Variants in MDGA2 observed in about 807,000 individuals in gnomAD.
MDGA2 encodes MAM domain containing glycosylphosphatidylinositol anchor 2.
A neutral mutation model predicts 117.8 loss-of-function variants in MDGA2; 40 were observed. The ratio of observed to expected loss-of-function variants is 0.34; its 90% CI spans 0.26 to 0.44. The LOEUF (loss-of-function observed/expected upper bound fraction) is 0.44, where lower values mean the gene tolerates loss of function less well. Among genes scored for constraint, MDGA2 ranks in the 20% least tolerant of loss-of-function variants. The probability of loss-of-function intolerance (pLI) is 1.00; values close to 1 mark genes in which losing one functional copy is unlikely to be tolerated. For synonymous variants in MDGA2, 452 were observed against 439.0 expected (o/e 1.03, Z -0.37); for missense variants, 1,123 against 1,250.6 (o/e 0.90, Z 1.54).
chr14:47,046,696 A>T lies in MDGA2; in HGVS notation c.1526-11392T>A, dbSNP rs530595351. ...TATAAGCAGTTGATAAAGAATTTTAACCTTAAAAGTTGAATACTGCACTCC... is the reference window on the plus strand; with the variant it reads ...TATAAGCAGTTGATAAAGAATTTTATCCTTAAAAGTTGAATACTGCACTCC... On this transcript the variant is annotated intron_variant, in intron 7 of 16. Transcript: ENST00000399232. Among the ~76,000 whole-genome samples the T allele has an allele frequency of 7.2e-5, 11 of 152,162 alleles. No homozygotes were observed. The South Asian group carries it at 1.9e-3, about 26-fold the overall frequency.
intron 14 of MDGA2, among the ~76,000 whole-genome samples, chr14:46,867,300 C>G (rs1281212221): frequency 2.1e-4 from 31 of 144,990 alleles, no homozygotes; most frequent in African/African-American, 3.3e-4. Context: ...GAACAAAAAA[C>G]CAAACACCGC....
chr14:47,461,265 A>ATATATGTGTGTGTGTG (rs1893477411), intron 1 of MDGA2, among the ~76,000 whole-genome samples: 1 of 13,272 alleles, frequency 7.5e-5, no homozygotes, highest in South Asian at 4.8e-3. Context: ...AGTTAAAAAA[A>ATATATGTGTGTGTGTG]TGTATGTGTG....
intron 1 of MDGA2, among the ~76,000 whole-genome samples, chr14:47,543,518 A>G (rs1895394600): frequency 1.3e-5 from 2 of 152,238 alleles, no homozygotes; most frequent in Admixed American, 1.3e-4. Flanking sequence ...GGACATAAGC[A>G]TGATCCAAAG....
At chr14:46,994,157 T>C (rs1887197964) in intron 8 of MDGA2, among the ~76,000 whole-genome samples, 1 of 152,142 alleles carries the variant, frequency 6.6e-6, no homozygotes, top group Non-Finnish European at 1.5e-5. Flanking sequence ...ACTCTGCGCA[T>C]ATTGTCACAA....
intron 5 of MDGA2, among the ~76,000 whole-genome samples, chr14:47,112,991 CA>C (rs1566631707): frequency 1.3e-5 from 2 of 152,092 alleles, no homozygotes. Flanking sequence ...CTCTAGTAAT[CA>C]GTGATGTTGA....
At chr14:47,462,375 CAA>C (rs373508880) in intron 1 of MDGA2, among the ~76,000 whole-genome samples, 4 of 96,058 alleles carry the variant, frequency 4.2e-5, no homozygotes, top group Middle Eastern at 6.7e-3. Context: ...GACTCCGTCC[CAA>C]AAAAAAAAAA....
chr14:46,928,067 G>A (rs1285282768), intron 9 of MDGA2, among the ~76,000 whole-genome samples: 1 of 151,954 alleles, frequency 6.6e-6, no homozygotes. Flanking sequence ...ACAATATTAT[G>A]ATTTCTCTTG....
At chr14:46,839,996 C>T (rs1407152862), downstream of MDGA2, 1 of 152,060 alleles carries the variant, frequency 6.6e-6, no homozygotes, top group Non-Finnish European at 1.5e-5. Context: ...ATGTGGAGCA[C>T]TGAAGATTTA....
At chr14:47,653,809 G>C (rs1897690478) in intron 1 of MDGA2, among the ~76,000 whole-genome samples, 1 of 152,152 alleles carries the variant, frequency 6.6e-6, no homozygotes, top group Non-Finnish European at 1.5e-5. Flanking sequence ...ACAGAGAGAT[G>C]TGATGTTGTT....
intron 1 of MDGA2, among the ~76,000 whole-genome samples, chr14:47,619,152 G>C (rs8009431): frequency 0.1 from 12,056 of 117,014 alleles, 1,259 homozygotes; most frequent in African/African-American, 0.31. Flanking sequence ...CACACACACA[G>C]ATACATTATC....
chr14:47,633,608 T>C (rs1330793747), intron 1 of MDGA2, among the ~76,000 whole-genome samples: 1 of 152,204 alleles, frequency 6.6e-6, no homozygotes, highest in Non-Finnish European at 1.5e-5. Flanking sequence ...AAATTTCAGT[T>C]TGAAGAATTC....
intron 1 of MDGA2, among the ~76,000 whole-genome samples, chr14:47,327,797 T>C (rs1216143398): frequency 6.6e-6 from 1 of 152,164 alleles, no homozygotes; most frequent in African/African-American, 2.4e-5. Context: ...TCATTTAAAG[T>C]TCAACAACCT....
At chr14:47,613,370 A>G (rs1896887280) in intron 1 of MDGA2, among the ~76,000 whole-genome samples, 1 of 152,120 alleles carries the variant, frequency 6.6e-6, no homozygotes, top group African/African-American at 2.4e-5. Flanking sequence ...GCTGCAAGGT[A>G]GACTTCAGAC....
At chr14:47,224,638 T>C (rs1157660548) in intron 2 of MDGA2, among the ~76,000 whole-genome samples, 1 of 152,110 alleles carries the variant, frequency 6.6e-6, no homozygotes, top group African/African-American at 2.4e-5. Flanking sequence ...TGAAGGAAGA[T>C]CCTTTAGCAT....
rs1892730825 is a variant in MDGA2 at position 47,428,331 on chromosome 14, G to A, written c.281-126781C>T. Among the ~76,000 whole-genome samples the A allele has an allele frequency of 2.0e-5, 3 of 152,088 alleles. No homozygotes were observed. In the South Asian group the frequency reaches 6.2e-4, roughly 32 times the overall value. ...TGTGTTTTACTGCAATTGTTGCTGT[G>A]GCTTGCTTTCAAGATTTTAATTAGG... On this transcript the variant is annotated intron_variant, in intron 1 of 16. Transcript: ENST00000399232.
At chr14:46,990,877 CACACA>C (rs1164119340) in intron 8 of MDGA2, among the ~76,000 whole-genome samples, 4 of 142,414 alleles carry the variant, frequency 2.8e-5, no homozygotes, top group Admixed American at 7.0e-5. Context: ...CACACACACA[CACACA>C]CACACACACA....
intron 2 of MDGA2, among the ~76,000 whole-genome samples, chr14:47,273,738 T>A (rs115340440): frequency 0.029 from 4,481 of 152,244 alleles, 220 homozygotes; most frequent in African/African-American, 0.1. Context: ...TTTTTAAAAA[T>A]AATTTCAAAA....
chr14:47,327,983 G>A (rs555469236), intron 1 of MDGA2, among the ~76,000 whole-genome samples: 15 of 140,210 alleles, frequency 1.1e-4, no homozygotes, highest in East Asian at 9.7e-4. Context: ...GCTGAATGAC[G>A]TAGAGTAATG....
intron 1 of MDGA2, among the ~76,000 whole-genome samples, chr14:47,652,691 A>T (rs948867508): frequency 6.6e-6 from 1 of 152,204 alleles, no homozygotes; most frequent in African/African-American, 2.4e-5. Context: ...TGGATATTGC[A>T]TAAAAAATTA....
Sources: allele counts gnomAD v4.1 joint callset (sites outside exome capture counted in the v4.1 genomes callset), GRCh38; gene constraint gnomAD v4.1.1; transcripts MANE v1.5; gene names NCBI Gene and HGNC (gene_info 2026-07-23, HGNC 2026-07-21).